The following ESR1 variants were observed in gnomAD, a reference collection of about 807,000 sequenced individuals.
The protein encoded by ESR1 is estrogen receptor.
ESR1 carries 12 observed loss-of-function variants against 52.7 expected under a neutral mutation model. The observed-to-expected ratio is 0.23, with a 90% CI of 0.15 to 0.37. The LOEUF is 0.37. ESR1 is among the 10% of genes least tolerant of loss of function. The pLI is 1.00. For synonymous variants in ESR1, 305 were observed against 316.8 expected, an observed-to-expected ratio of 0.96 and a Z score of 0.39; for missense variants, 584 against 779.7, an observed-to-expected ratio of 0.75 and a Z score of 2.99.
chr6:151,735,634 G>A (rs780032498), intron 2 of ESR1, among the ~76,000 whole-genome samples: 4 of 151,948 alleles, frequency 2.6e-5, no homozygotes, highest in Non-Finnish European at 4.4e-5. Context: ...ATTGTATAGT[G>A]CTGAAGTCTG....
chr6:151,795,180 T>C (rs941413617), intron 2 of ESR1, among the ~76,000 whole-genome samples: 1 of 152,106 alleles, frequency 6.6e-6, no homozygotes, highest in Non-Finnish European at 1.5e-5. Flanking sequence ...GGAGGTATAA[T>C]GTTCAAATAA....
chr6:151,680,482 G>C (rs1778417298), intron 1 of ESR1, among the ~76,000 whole-genome samples: 1 of 152,122 alleles, frequency 6.6e-6, no homozygotes. Flanking sequence ...GGGGGGTCGT[G>C]AGCCACCATG....
At chr6:151,745,751 T>C (rs1442827548) in intron 2 of ESR1, among the ~76,000 whole-genome samples, 2 of 152,144 alleles carry the variant, frequency 1.3e-5, no homozygotes, top group African/African-American at 2.4e-5. Flanking sequence ...TTTTTAATTA[T>C]GGTAAAAACA....
chr6:151,710,818 G>A (rs946304185), intron 2 of ESR1, among the ~76,000 whole-genome samples: 1 of 151,830 alleles, frequency 6.6e-6, no homozygotes, highest in African/African-American at 2.4e-5. Context: ...TGATGTTCCT[G>A]TGTTAGTTTG....
intron 4 of ESR1, among the ~76,000 whole-genome samples, chr6:151,953,179 G>A (rs767043032): frequency 1.3e-5 from 2 of 152,102 alleles, no homozygotes; most frequent in African/African-American, 4.8e-5. Flanking sequence ...AGCTTATTCT[G>A]CATCCAGATC....
chr6:151,816,813 G>A (rs1363757929), intron 1 of ESR1, among the ~76,000 whole-genome samples: 5 of 152,110 alleles, frequency 3.3e-5, no homozygotes, highest in Non-Finnish European at 5.9e-5. Flanking sequence ...AGGAACTGAA[G>A]GGAGGATTGC....
chr6:151,886,282 G>A (rs1369593784), intron 3 of ESR1, among the ~76,000 whole-genome samples: 3 of 152,072 alleles, frequency 2.0e-5, no homozygotes, highest in African/African-American at 2.4e-5. Context: ...ATTCAGAGGC[G>A]TGTTTGAGGC....
intron 6 of ESR1, among the ~76,000 whole-genome samples, chr6:152,111,378 G>A (rs989619645): frequency 6.6e-5 from 10 of 152,212 alleles, no homozygotes; most frequent in South Asian, 2.1e-4. Context: ...ACGCTAGGCC[G>A]TTTGCCAAGA....
intron 5 of ESR1, among the ~76,000 whole-genome samples, chr6:152,045,782 G>T (rs2046184899): frequency 6.6e-6 from 1 of 152,130 alleles, no homozygotes; most frequent in Non-Finnish European, 1.5e-5. Context: ...ATGAAGAAAA[G>T]AATAACAGTG....
upstream of ESR1, among the ~76,000 whole-genome samples, chr6:151,689,330 C>T (rs987497665): frequency 4.6e-5 from 7 of 152,156 alleles, no homozygotes; most frequent in African/African-American, 1.7e-4. Context: ...AAAATGCTTA[C>T]AGAACCCCCA....
intron 5 of ESR1, among the ~76,000 whole-genome samples, chr6:152,027,107 C>G (rs898063084): frequency 6.6e-6 from 1 of 151,962 alleles, no homozygotes; most frequent in South Asian, 2.1e-4. Flanking sequence ...CCTGGGATTA[C>G]AGGCATCAGC....
intron 3 of ESR1, among the ~76,000 whole-genome samples, chr6:151,901,347 T>A (rs1263314179): frequency 2.6e-5 from 4 of 152,188 alleles, no homozygotes; most frequent in African/African-American, 7.2e-5. Context: ...GCTAAGAACT[T>A]GCCGCAGGCT....
chr6:152,055,898 A>G (rs2047061936), intron 5 of ESR1, among the ~76,000 whole-genome samples: 1 of 152,178 alleles, frequency 6.6e-6, no homozygotes, highest in Non-Finnish European at 1.5e-5. Context: ...TTTCTTTTTT[A>G]ATCTACATGG....
At chr6:151,693,648 C>T (rs1186192946) in intron 1 of ESR1, among the ~76,000 whole-genome samples, 3 of 152,132 alleles carry the variant, frequency 2.0e-5, no homozygotes, top group African/African-American at 2.4e-5. Context: ...GATGGAGTCT[C>T]GCTCTTTCAC....
intron 3 of ESR1, among the ~76,000 whole-genome samples, chr6:151,910,738 G>A (rs530094368): frequency 6.0e-4 from 92 of 152,286 alleles, no homozygotes; most frequent in African/African-American, 2.1e-3. Context: ...CAGGAAGAAA[G>A]TAATAGAATC....
intron 5 of ESR1, among the ~76,000 whole-genome samples, chr6:152,039,598 C>T (rs759857465): frequency 6.6e-6 from 1 of 152,094 alleles, no homozygotes; most frequent in Non-Finnish European, 1.5e-5. Flanking sequence ...ATTTTACTAG[C>T]GGGTCTCTAG....
chr6:152,095,623 G>C lies in ESR1; in HGVS notation c.1553+1055G>C, dbSNP rs902453412. On this transcript the variant is annotated intron_variant, in intron 7 of 7. Coordinates refer to ENST00000206249, the MANE Select transcript of ESR1 (RefSeq NM_000125.4). ...CATTTCATTGGCCAAGCAAGCATGTGGGGTGTCCAGAGTCAAAGAGGGACA... is the reference window on the plus strand; with the variant it reads ...CATTTCATTGGCCAAGCAAGCATGTCGGGTGTCCAGAGTCAAAGAGGGACA... 2.0e-5 allele frequency among the ~76,000 whole-genome samples: 3 copies of C among 152,300 alleles called. No homozygotes were observed. In the East Asian group the frequency reaches 5.8e-4, roughly 29 times the overall value.
At chr6:151,775,697 G>A (rs1420834014) in intron 2 of ESR1, among the ~76,000 whole-genome samples, 1 of 149,430 alleles carries the variant, frequency 6.7e-6, no homozygotes, top group African/African-American at 2.5e-5. Flanking sequence ...AGTGAGCCGA[G>A]ATCGCGCCAC....
upstream of ESR1, among the ~76,000 whole-genome samples, chr6:151,801,051 G>GGGGTGTGTGT (rs1554258202): frequency 1.4e-5 from 2 of 147,612 alleles, no homozygotes; most frequent in African/African-American, 5.0e-5. Context: ...TTGATTATGT[G>GGGGTGTGTGT]GTGTGTGTGT....
Sources: allele counts gnomAD v4.1 joint callset (sites outside exome capture counted in the v4.1 genomes callset), GRCh38; gene constraint gnomAD v4.1.1; transcripts MANE v1.5; gene names NCBI Gene and HGNC (gene_info 2026-07-23, HGNC 2026-07-21).